Variants in BBS9 observed in about 807,000 individuals in gnomAD.
BBS9 encodes the protein Bardet-Biedl syndrome 9.
A neutral mutation model predicts 117.7 loss-of-function variants in BBS9; 89 were observed. The ratio of observed to expected loss-of-function variants is 0.76; its 90% confidence interval spans 0.64 to 0.90. The LOEUF (loss-of-function observed/expected upper bound fraction) is 0.90. BBS9 is among the 40% of genes least tolerant of loss of function. BBS9 has a pLI of 0.00. For synonymous variants in BBS9, 379 were observed against 370.9 expected (o/e 1.02, Z -0.25); for missense variants, 982 against 1,042.2 (o/e 0.94, Z 0.80).
intron 21 of BBS9, among the ~76,000 whole-genome samples, chr7:33,584,589 T>G (rs1157639229): frequency 2.0e-5 from 3 of 152,086 alleles, no homozygotes; most frequent in Non-Finnish European, 4.4e-5. Flanking sequence ...TATCCTCTAT[T>G]GAGATTCCGT....
At position 33,227,637 on chromosome 7, in the gene BBS9, G is replaced by A. The variant is rs576032236; in HGVS notation, c.443-29599G>A. 3.3e-5 allele frequency among the ~76,000 whole-genome samples: 5 copies of A among 151,946 alleles called. No individual in the cohort carries two copies. In the East Asian group the frequency reaches 9.7e-4, roughly 29 times the overall value. Reference sequence around the variant, plus strand: ...TCCCAACCTTCCCCCTACCCCCAAAGTCCTCTATATCATTCCTATGCTTTT... The same window carrying A: ...TCCCAACCTTCCCCCTACCCCCAAAATCCTCTATATCATTCCTATGCTTTT... On this transcript the variant is annotated intron_variant, in intron 5 of 22. Transcript: ENST00000242067.
chr7:33,585,032 T>C (rs1860649145), intron 21 of BBS9, among the ~76,000 whole-genome samples: 1 of 152,146 alleles, frequency 6.6e-6, no homozygotes. Flanking sequence ...AAGGCTTTAT[T>C]TTCCACTTTA....
chr7:33,452,041 C>G (rs1038692585), intron 19 of BBS9, among the ~76,000 whole-genome samples: 8 of 152,082 alleles, frequency 5.3e-5, no homozygotes, highest in Admixed American at 5.2e-4. Flanking sequence ...GCCATGCTGG[C>G]CAGGCTGGTC....
downstream of BBS9, among the ~76,000 whole-genome samples, chr7:33,608,718 T>C (rs1864712550): frequency 6.6e-6 from 1 of 152,114 alleles, no homozygotes; most frequent in African/African-American, 2.4e-5. Flanking sequence ...TGTTTTTTGC[T>C]TGTTTATTTG....
At chr7:33,395,135 A>G (rs1297759765) in intron 19 of BBS9, among the ~76,000 whole-genome samples, 5 of 152,046 alleles carry the variant, frequency 3.3e-5, no homozygotes, top group Admixed American at 6.6e-5. Flanking sequence ...ATGATCATCT[A>G]ATAGTCATTG....
At chr7:33,407,238 CT>C (rs1480246768) in intron 19 of BBS9, among the ~76,000 whole-genome samples, 1 of 152,216 alleles carries the variant, frequency 6.6e-6, no homozygotes, top group East Asian at 1.9e-4. Context: ...GCTCCTGAGG[CT>C]TCTGCATTCT....
chr7:33,163,102 A>T (rs879066751), intron 4 of BBS9, among the ~76,000 whole-genome samples: 3 of 152,062 alleles, frequency 2.0e-5, no homozygotes, highest in Admixed American at 6.6e-5. Flanking sequence ...GGTTTTTGTC[A>T]TTGGTTCTGT....
chr7:33,631,050 C>T (rs1056356909), intron 21 of BBS9, among the ~76,000 whole-genome samples: 4 of 152,146 alleles, frequency 2.6e-5, no homozygotes, highest in African/African-American at 4.8e-5. Flanking sequence ...GTGATACAGG[C>T]CCCTGCAAAG....
chr7:33,303,393 G>A (rs865831830), intron 9 of BBS9, among the ~76,000 whole-genome samples: 56 of 152,160 alleles, frequency 3.7e-4, no homozygotes, highest in Middle Eastern at 3.4e-3. Flanking sequence ...CTAGCTATGG[G>A]TCTGTCATAT....
chr7:33,273,491 T>G (rs1418272283), intron 8 of BBS9, among the ~76,000 whole-genome samples: 1 of 152,138 alleles, frequency 6.6e-6, no homozygotes. Flanking sequence ...TCAGACTCTT[T>G]TATAAGCACA....
intron 20 of BBS9, among the ~76,000 whole-genome samples, chr7:33,510,756 T>C (rs1585069519): frequency 6.6e-6 from 1 of 152,206 alleles, no homozygotes; most frequent in South Asian, 2.1e-4. Context: ...GGCTACCACA[T>C]TGGATAGCCC....
chr7:33,497,975 A>G (rs755539015), intron 19 of BBS9, among the ~76,000 whole-genome samples: 8 of 152,330 alleles, frequency 5.3e-5, no homozygotes, highest in Non-Finnish European at 1.0e-4. Context: ...GCCCTAAACT[A>G]TAGAAAATTT....
At chr7:33,311,521 C>A (rs897690264) in intron 9 of BBS9, among the ~76,000 whole-genome samples, 32 of 152,014 alleles carry the variant, frequency 2.1e-4, no homozygotes, top group African/African-American at 7.5e-4. Flanking sequence ...TCTCATATAC[C>A]CACCTTGCTT....
chr7:33,519,687 A>G (rs1288660169), intron 20 of BBS9, among the ~76,000 whole-genome samples: 10 of 152,214 alleles, frequency 6.6e-5, no homozygotes, highest in African/African-American at 2.4e-4. Context: ...AATTATGACC[A>G]TGAATCTTCT....
At chr7:33,419,848 A>AT (rs1487273889) in intron 19 of BBS9, among the ~76,000 whole-genome samples, 1 of 152,074 alleles carries the variant, frequency 6.6e-6, no homozygotes, top group East Asian at 1.9e-4. Flanking sequence ...ATTACCTTGA[A>AT]TTTTTTTTAG....
At chr7:33,463,693 T>C (rs1839797721) in intron 19 of BBS9, among the ~76,000 whole-genome samples, 2 of 152,112 alleles carry the variant, frequency 1.3e-5, no homozygotes, top group African/African-American at 4.8e-5. Flanking sequence ...AAATCATGTT[T>C]TTTAAGTATT....
chr7:33,448,658 A>C (rs1837332814), intron 19 of BBS9, among the ~76,000 whole-genome samples: 1 of 152,362 alleles, frequency 6.6e-6, no homozygotes, highest in East Asian at 1.9e-4. Context: ...AACCAACAAC[A>C]AGCATTGAAT....
At chr7:33,322,455 G>A (rs146724929) in intron 9 of BBS9, among the ~76,000 whole-genome samples, 17 of 143,572 alleles carry the variant, frequency 1.2e-4, no homozygotes, top group African/African-American at 4.4e-4. Context: ...TTTCCTCATG[G>A]TTCAATCTTG....
chr7:33,418,718 G>A (rs1037707661), intron 19 of BBS9, among the ~76,000 whole-genome samples: 1 of 152,110 alleles, frequency 6.6e-6, no homozygotes, highest in Non-Finnish European at 1.5e-5. Context: ...TAGGGAAGAA[G>A]GTAACCCTGC....
Sources: gnomAD v4.1 joint callset for allele counts (sites outside exome capture counted in the v4.1 genomes callset) on GRCh38, gnomAD v4.1.1 for gene constraint, MANE v1.5 for transcripts, NCBI Gene and HGNC (gene_info 2026-07-23, HGNC 2026-07-21) for gene names.